Variants in SYCE2 observed in about 807,000 individuals in gnomAD.
The protein encoded by SYCE2 is synaptonemal complex central element protein 2.
Under a neutral mutation model 27.9 loss-of-function variants are expected in SYCE2, and 3 were observed. The ratio of observed to expected loss-of-function variants is 0.11; its 90% CI spans 0.05 to 0.28. SYCE2 has a LOEUF of 0.28. Ranked by LOEUF, SYCE2 falls within the 10% of genes least tolerant of loss-of-function variation. The pLI, the probability that SYCE2 is intolerant of heterozygous loss-of-function variation, is 1.00. For missense variants in SYCE2, 207 were observed against 263.5 expected, an observed-to-expected ratio of 0.79 and a Z score of 1.48; for synonymous variants, 85 against 100.7, an observed-to-expected ratio of 0.84 and a Z score of 0.93.
chr19:12,918,943 T>G (rs1162142971), intron 1 of SYCE2, among the ~76,000 whole-genome samples: 1 of 123,938 alleles, frequency 8.1e-6, no homozygotes, highest in Non-Finnish European at 1.7e-5. Context: ...AGAGTGATAC[T>G]TCGTCTCAAA....
chr19:12,904,656 G>C lies in SYCE2; in HGVS notation c.142C>G (p.Gln48Glu). The C allele has an allele frequency of 1.2e-6, 2 of 1,613,728 alleles. No individual in the cohort carries two copies. The highest frequency in any genetic ancestry group is 1.7e-6 in the Non-Finnish European group (2 of 1,179,970). Residue 48 changes from glutamine (Q) to glutamate (E), a missense_variant, in exon 3 of 6, where the codon CAG (glutamine) becomes GAG (glutamate). Transcript: ENST00000293695. ...AGGGPASASC[Q>E]LTVLEGKSGL... ...GACTTCCCTTCCAGGACCGTCAGCT[G>C]GCAACTGGCACTGGAGGTGGCGACA... is the stretch of plus-strand genomic sequence containing the variant.
rs1310183323 is a variant in SYCE2, at chr19:12,903,058, AAG to A, written c.306+1432_306+1433del. Among the ~76,000 whole-genome samples, 944 of 151,144 alleles carry A rather than the reference AAG, an allele frequency of 6.2e-3. 10 individuals carry two copies. The highest frequency in any genetic ancestry group is 0.038 in the Middle Eastern group (11 of 290). ...GTCTCAAAAAAAAAAAAAAAAGAAA[AAG>A]AAAAAACCAGAAAGAGGCAGTCTTC... On this transcript the variant is annotated intron_variant, in intron 3 of 5. Transcript: ENST00000293695.
At chr19:12,902,900 T>TTTTG (rs933349098) in intron 3 of SYCE2, among the ~76,000 whole-genome samples, 7 of 151,128 alleles carry the variant, frequency 4.6e-5, no homozygotes, top group Admixed American at 2.6e-4. Context: ...CCATTATGTA[T>TTTTG]TTTGTTTGTT....
In SYCE2 at chr19:12,913,434, C is replaced by T. The variant is rs555033316; in HGVS notation, c.131+4788G>A. 6.2e-4 allele frequency among the ~76,000 whole-genome samples: 95 copies of T among 152,272 alleles called. 5 individuals carry two copies. The highest frequency in any genetic ancestry group is 2.0e-3 in the African/African-American group (85 of 41,558). On this transcript the variant is annotated intron_variant, in intron 2 of 5. Transcript: ENST00000293695. ...CAATCCGCCAGCCACTTATGACCAC[C>T]GAGGGTGGCAGTCCCGGGAGAGGAG... is the stretch of plus-strand genomic sequence containing the variant.
At chr19:12,906,530 G>T (rs1970936940) in intron 2 of SYCE2, among the ~76,000 whole-genome samples, 1 of 152,156 alleles carries the variant, frequency 6.6e-6, no homozygotes, top group African/African-American at 2.4e-5. Context: ...ATGGGAGAGA[G>T]AACTAAAATT....
At chr19:12,902,636 TA>T (rs1279040502) in intron 3 of SYCE2, among the ~76,000 whole-genome samples, 1 of 151,576 alleles carries the variant, frequency 6.6e-6, no homozygotes, top group African/African-American at 2.4e-5. Context: ...ACGCCACCTC[TA>T]AAAATATAAA....
At chr19:12,901,195 A>C (rs1377134063) in intron 3 of SYCE2, among the ~76,000 whole-genome samples, 1 of 150,300 alleles carries the variant, frequency 6.7e-6, no homozygotes, top group Non-Finnish European at 1.5e-5. Flanking sequence ...TAAATAAATA[A>C]ATAAATAAAT....
chr19:12,919,281 T>C lies in SYCE2; in HGVS notation c.-24A>G, dbSNP rs377038584. 6.2e-7 allele frequency: 1 copy of C among 1,609,188 alleles called. No homozygotes were observed. The highest frequency in any genetic ancestry group is 1.3e-5 in the African/African-American group (1 of 75,064). The stretch of plus-strand genomic sequence containing the variant: ...ATTCCGTATTTTCCCGCCTTCAAGC[T>C]CGCACCCTCTGCGCATGCGCCGACC... On this transcript the variant is annotated 5_prime_UTR_variant, in exon 1 of 6. Transcript: ENST00000293695.
chr19:12,916,992 T>C (rs1210322712), intron 2 of SYCE2, among the ~76,000 whole-genome samples: 1 of 151,900 alleles, frequency 6.6e-6, no homozygotes, highest in Non-Finnish European at 1.5e-5. Flanking sequence ...TCAAGTTATC[T>C]GCCAGCGCCA....
chr19:12,908,196 G>C (rs540319675), intron 2 of SYCE2, among the ~76,000 whole-genome samples: 1 of 151,034 alleles, frequency 6.6e-6, no homozygotes, highest in Admixed American at 6.6e-5. Flanking sequence ...CTCTCCACCC[G>C]GTCTCCCCCA....
In SYCE2 at chr19:12,900,655, A is replaced by G; in HGVS notation, c.307-7T>C. 1 of 1,611,178 alleles carries G rather than the reference A, an allele frequency of 6.2e-7. No individual in the cohort carries two copies. The highest frequency in any genetic ancestry group is 2.2e-5 in the East Asian group (1 of 44,842). On this transcript the variant is annotated splice_polypyrimidine_tract_variant and splice_region_variant and intron_variant, in intron 3 of 5. Transcript: ENST00000293695. ...TCTCTGTCAGATCCGAAACCTGTTAAACAATAAGATGTGTTCTCGGAAAAT... is the reference window on the plus strand; with the variant it reads ...TCTCTGTCAGATCCGAAACCTGTTAGACAATAAGATGTGTTCTCGGAAAAT...
chr19:12,911,616 T>A (rs1308026129), intron 2 of SYCE2, among the ~76,000 whole-genome samples: 12 of 23,436 alleles, frequency 5.1e-4, no homozygotes, highest in Admixed American at 1.7e-3. Context: ...AATTTTTGCC[T>A]TTTTTTTTTT....
intron 5 of SYCE2, chr19:12,899,603 G>T (rs371513457): frequency 1.9e-6 from 3 of 1,613,416 alleles, no homozygotes; most frequent in African/African-American, 2.7e-5. Context: ...TGGCTGGACC[G>T]TAGGAGCGCT....
At chr19:12,903,039 A>G (rs1970870820) in intron 3 of SYCE2, among the ~76,000 whole-genome samples, 1 of 147,166 alleles carries the variant, frequency 6.8e-6, no homozygotes, top group Admixed American at 6.8e-5. Context: ...CTCTGTCTCA[A>G]AAAAAAAAAA....
At chr19:12,909,629 C>G (rs1017047080) in intron 2 of SYCE2, among the ~76,000 whole-genome samples, 1 of 151,956 alleles carries the variant, frequency 6.6e-6, no homozygotes, top group Non-Finnish European at 1.5e-5. Context: ...TGCAATGGCG[C>G]GATCTCGGCT....
In SYCE2 at chr19:12,900,131, G is replaced by C. The variant is rs1970805686; in HGVS notation, c.496-11C>G. ...GAGTCTTAGGCTCTGCTGTAAAAAAGAAACCCAGGTTAGCAGTGCCGGTCT... is the reference window on the plus strand; with the variant it reads ...GAGTCTTAGGCTCTGCTGTAAAAAACAAACCCAGGTTAGCAGTGCCGGTCT... On this transcript the variant is annotated splice_polypyrimidine_tract_variant and intron_variant, in intron 4 of 5. Transcript: ENST00000293695. 6.3e-7 allele frequency: 1 copy of C among 1,598,970 alleles called. No individual in the cohort carries two copies. The highest frequency in any genetic ancestry group is 1.4e-5 in the African/African-American group (1 of 73,766).
At position 12,904,686 on chromosome 19, in the gene SYCE2, GGC is replaced by G. The variant is rs1970901042; in HGVS notation, c.132-22_132-21del. 6.2e-7 allele frequency: 1 copy of G among 1,612,204 alleles called. No homozygotes were observed. Among genetic ancestry groups the G allele is most frequent in the Non-Finnish European group, 8.5e-7 (1 of 1,179,784 alleles). Reference sequence around the variant, plus strand: ...CTGGCACTGGAGGTGGCGACACAAGGGCAAGAAACCTGACTTCTCAGAGTACA... The same window carrying G: ...CTGGCACTGGAGGTGGCGACACAAGGAAGAAACCTGACTTCTCAGAGTACA... On this transcript the variant is annotated intron_variant, in intron 2 of 5. Coordinates refer to ENST00000293695, the MANE Select transcript of SYCE2 (RefSeq NM_001105578.2).
intron 2 of SYCE2, among the ~76,000 whole-genome samples, chr19:12,908,243 A>G (rs983603412): frequency 2.0e-5 from 3 of 149,178 alleles, no homozygotes; most frequent in Admixed American, 6.7e-5. Flanking sequence ...ATCAAGGCCA[A>G]GGTTCTAGAA....
At chr19:12,912,904 G>A (rs1316525185) in intron 2 of SYCE2, among the ~76,000 whole-genome samples, 1 of 152,102 alleles carries the variant, frequency 6.6e-6, no homozygotes, top group Non-Finnish European at 1.5e-5. Flanking sequence ...TATCCCTTTT[G>A]ATTTCATTTT....
Sources: gnomAD v4.1 joint callset for allele counts (sites outside exome capture counted in the v4.1 genomes callset) on GRCh38, gnomAD v4.1.1 for gene constraint, MANE v1.5 for transcripts, NCBI Gene and HGNC (gene_info 2026-07-23, HGNC 2026-07-21) for gene names.